KCNK10: variants seen among roughly 807,000 people sequenced by gnomAD.
KCNK10 encodes the protein potassium channel subfamily K member 10.
A neutral mutation model predicts 47.7 loss-of-function variants in KCNK10; 25 were observed. That is an observed-to-expected ratio of 0.52 (90% CI 0.38 to 0.73). KCNK10 has a LOEUF of 0.73. Ranked by LOEUF, KCNK10 falls within the 30% of genes least tolerant of loss-of-function variation. KCNK10 has a pLI of 0.00. For missense variants in KCNK10, 563 were observed against 714.5 expected (o/e 0.79, Z 2.42); for synonymous variants, 303 against 285.6 (o/e 1.06, Z -0.61).
intron 1 of KCNK10, among the ~76,000 whole-genome samples, chr14:88,320,006 T>C (rs1888510983): frequency 6.6e-6 from 1 of 152,172 alleles, no homozygotes; most frequent in Non-Finnish European, 1.5e-5. Flanking sequence ...ATATGCCACC[T>C]CACTCCTCAC....
Position 88,260,667 on chromosome 14 carries a change from C to T in KCNK10, c.402+2535G>A, listed in dbSNP as rs961788068. On this transcript the variant is annotated intron_variant, in intron 2 of 6. Coordinates refer to ENST00000319231, the MANE Select transcript of KCNK10 (RefSeq NM_138317.3). The surrounding 1 kb of genome is among the most constrained non-coding windows in gnomAD (Gnocchi z 4.5). ...TTTAAGGAAACTGATGTTTCCTCCCCTGTAAAATGGGAATCGTGATATGAA... is the reference window on the plus strand; with the variant it reads ...TTTAAGGAAACTGATGTTTCCTCCCTTGTAAAATGGGAATCGTGATATGAA... Among the ~76,000 whole-genome samples, 2 of 152,162 alleles carry T rather than the reference C, an allele frequency of 1.3e-5. No individual in the cohort carries two copies. The highest frequency in any genetic ancestry group is 4.8e-5 in the African/African-American group (2 of 41,426).
upstream of KCNK10, chr14:88,326,899 G>A (rs533773176): frequency 2.7e-5 from 5 of 182,154 alleles, no homozygotes; most frequent in South Asian, 1.3e-4. Context: ...CGGAGGAGAC[G>A]ATGCCTGCCG....
intron 4 of KCNK10, among the ~76,000 whole-genome samples, chr14:88,220,301 C>A (rs981439682): frequency 1.3e-5 from 2 of 149,038 alleles, no homozygotes; most frequent in African/African-American, 4.9e-5. Flanking sequence ...CCTGTAGTCC[C>A]AGCTACTTGG....
intron 3 of KCNK10, among the ~76,000 whole-genome samples, chr14:88,240,153 A>T (rs146789020): frequency 0.017 from 2,640 of 152,264 alleles, 42 homozygotes; most frequent in Middle Eastern, 0.037. Context: ...AGGCAGGAAG[A>T]AGGAACTAAC....
intron 2 of KCNK10, among the ~76,000 whole-genome samples, chr14:88,247,910 A>T (rs1406314354): frequency 6.6e-6 from 1 of 152,168 alleles, no homozygotes; most frequent in Non-Finnish European, 1.5e-5. Flanking sequence ...CTTTGACTAC[A>T]TGGAAGGATG....
chr14:88,219,682 C>T (rs1464661778), intron 4 of KCNK10, among the ~76,000 whole-genome samples: 1 of 152,218 alleles, frequency 6.6e-6, no homozygotes, highest in Non-Finnish European at 1.5e-5. Flanking sequence ...TTCATCACAG[C>T]AATGTGTTCA....
At chr14:88,242,503 T>C (rs2139892398) in intron 2 of KCNK10, among the ~76,000 whole-genome samples, 1 of 152,308 alleles carries the variant, frequency 6.6e-6, no homozygotes, top group South Asian at 2.1e-4. Context: ...GCACCTTCTG[T>C]CAAGTCGTGA....
chr14:88,312,463 A>T (rs1461429815), intron 1 of KCNK10, among the ~76,000 whole-genome samples: 4 of 152,220 alleles, frequency 2.6e-5, no homozygotes, highest in African/African-American at 9.6e-5. Flanking sequence ...GTCACCATAC[A>T]GACACATGGC....
chr14:88,323,994 C>A (rs374344831), upstream of KCNK10, among the ~76,000 whole-genome samples: 3 of 152,328 alleles, frequency 2.0e-5, no homozygotes, highest in East Asian at 5.8e-4. Flanking sequence ...CGGGGAAGCT[C>A]GCTCCCAAGG....
upstream of KCNK10, among the ~76,000 whole-genome samples, chr14:88,325,501 A>G (rs1888641916): frequency 1.3e-5 from 2 of 152,306 alleles, no homozygotes; most frequent in South Asian, 4.2e-4. Flanking sequence ...AGAGAGATAA[A>G]GAAACATTCC....
intron 3 of KCNK10, among the ~76,000 whole-genome samples, chr14:88,232,461 C>CA (rs1886184182): frequency 6.6e-6 from 1 of 152,162 alleles, no homozygotes; most frequent in Admixed American, 6.5e-5. Flanking sequence ...CCACATGCAA[C>CA]AAATGAATTT....
At chr14:88,316,664 A>C (rs987214198) in intron 1 of KCNK10, among the ~76,000 whole-genome samples, 1 of 152,200 alleles carries the variant, frequency 6.6e-6, no homozygotes, top group Admixed American at 6.5e-5. Context: ...CTTTATAAGA[A>C]TCAGAGTACT....
chr14:88,252,519 A>G (rs890832371), intron 2 of KCNK10, among the ~76,000 whole-genome samples: 1 of 152,156 alleles, frequency 6.6e-6, no homozygotes, highest in Non-Finnish European at 1.5e-5. Flanking sequence ...CAAGGAGATT[A>G]CCAACATCTC....
chr14:88,187,090 C>T lies in KCNK10; in HGVS notation c.1011+877G>A, dbSNP rs1221746645. ...CAGGTCAGTTAGCTGTCTGGGGAAC[C>T]GGTCTGGAAATTGCATTGCTTACTT... On this transcript the variant is annotated intron_variant, in intron 6 of 6. Coordinates refer to ENST00000319231, the MANE Select transcript of KCNK10 (RefSeq NM_138317.3). Among the ~76,000 whole-genome samples, 3 of 152,146 alleles carry T rather than the reference C, an allele frequency of 2.0e-5. No homozygotes were observed. The East Asian group carries it at 5.8e-4, about 29-fold the overall frequency.
intron 1 of KCNK10, among the ~76,000 whole-genome samples, chr14:88,318,491 G>T (rs1467594099): frequency 1.3e-5 from 2 of 152,234 alleles, no homozygotes; most frequent in African/African-American, 4.8e-5. Context: ...AAATGATGGT[G>T]CTGGGGAACA....
At chr14:88,323,806 A>G (rs1888606115), upstream of KCNK10, 2 of 151,892 alleles carry the variant, frequency 1.3e-5, no homozygotes, top group Admixed American at 1.3e-4. Flanking sequence ...ACCTCTTCTC[A>G]CCGCTCTCAC....
intron 2 of KCNK10, 127 bp from the exon 3 acceptor site, chr14:88,240,947 T>C: frequency 1.7e-6 from 1 of 574,748 alleles, no homozygotes; most frequent in Non-Finnish European, 3.1e-6. Flanking sequence ...TAGAGAGAAC[T>C]GGTTAAGTGG....
At chr14:88,301,906 G>C (rs1275166639) in intron 1 of KCNK10, among the ~76,000 whole-genome samples, 1 of 152,176 alleles carries the variant, frequency 6.6e-6, no homozygotes, top group African/African-American at 2.4e-5. Flanking sequence ...ATTTTTAAAA[G>C]ATCATTGTGG....
chr14:88,317,179 C>A (rs1888444893), intron 1 of KCNK10, among the ~76,000 whole-genome samples: 1 of 152,248 alleles, frequency 6.6e-6, no homozygotes, highest in South Asian at 2.1e-4. Flanking sequence ...CATTTTAAAT[C>A]CCATTTGGAA....
Sources: gnomAD v4.1 joint callset for allele counts (sites outside exome capture counted in the v4.1 genomes callset) on GRCh38, gnomAD v4.1.1 for gene constraint, Gnocchi (gnomAD v3.1) non-coding constraint, MANE v1.5 for transcripts, NCBI Gene and HGNC (gene_info 2026-07-23, HGNC 2026-07-21) for gene names.